Variants in SLC37A1 observed in about 807,000 individuals in gnomAD.
The protein encoded by SLC37A1 is glucose-6-phosphate exchanger SLC37A1.
SLC37A1 carries 49 observed loss-of-function variants against 75.3 expected under a neutral mutation model. That is an observed-to-expected ratio of 0.65 (90% CI 0.52 to 0.83). The LOEUF (loss-of-function observed/expected upper bound fraction) is 0.83, where lower values mean the gene tolerates loss of function less well. Among genes scored for constraint, SLC37A1 ranks in the 40% least tolerant of loss-of-function variants. SLC37A1 has a pLI of 0.00. For synonymous variants in SLC37A1, 268 were observed against 292.1 expected (o/e 0.92, Z 0.84); for missense variants, 566 against 695.0 (o/e 0.81, Z 2.09).
At chr21:42,557,505 A>G (rs1259736347) in intron 10 of SLC37A1, among the ~76,000 whole-genome samples, 1 of 152,276 alleles carries the variant, frequency 6.6e-6, no homozygotes, top group Non-Finnish European at 1.5e-5. Context: ...ATCTGCACTC[A>G]GCCTTGTCAT....
At position 42,538,840 on chromosome 21, in the gene SLC37A1, G is replaced by A. The variant is rs565611918; in HGVS notation, c.351-672G>A. 3.9e-5 allele frequency among the ~76,000 whole-genome samples: 6 copies of A among 152,366 alleles called. No individual in the cohort carries two copies. In the South Asian group the frequency reaches 1.2e-3, roughly 32 times the overall value. The stretch of plus-strand genomic sequence containing the variant: ...CCTTATGCCACCAGGTCCCCAGACA[G>A]CTCTAGAAGATAAGACACCAAAGAG... On this transcript the variant is annotated intron_variant, in intron 5 of 19. Transcript: ENST00000352133.
At chr21:42,572,815 T>C (rs1056927133) in intron 17 of SLC37A1, among the ~76,000 whole-genome samples, 1 of 152,078 alleles carries the variant, frequency 6.6e-6, no homozygotes, top group African/African-American at 2.4e-5. Context: ...CCAGGCTCCC[T>C]CCTGCCAGCT....
At chr21:42,518,895 A>T (rs2054578502) in intron 2 of SLC37A1, among the ~76,000 whole-genome samples, 1 of 152,252 alleles carries the variant, frequency 6.6e-6, no homozygotes, top group Non-Finnish European at 1.5e-5. Context: ...GCCGGGGCAG[A>T]ACTTTCAGAG....
chr21:42,506,825 G>GAT (rs1409157104), intron 2 of SLC37A1, among the ~76,000 whole-genome samples: 2 of 151,972 alleles, frequency 1.3e-5, no homozygotes, highest in Admixed American at 6.6e-5. Flanking sequence ...AATCATAACT[G>GAT]ATACTCAAAA....
Position 42,531,200 on chromosome 21 carries a change from G to A in SLC37A1, c.139-3498G>A, listed in dbSNP as rs144963954. On this transcript the variant is annotated intron_variant, in intron 3 of 19. Coordinates refer to ENST00000352133, the MANE Select transcript of SLC37A1 (RefSeq NM_001320537.2). ...ACCGCCTTCCCCGCACACTCGTCGC[G>A]CTGTGACTCCCGGCCCCGCCGCCTT... Among the ~76,000 whole-genome samples the A allele has an allele frequency of 2.1e-4, 32 of 152,174 alleles. No homozygotes were observed. The East Asian group carries it at 5.8e-3, about 28-fold the overall frequency.
intron 3 of SLC37A1, 93 bp downstream of exon 3, chr21:42,525,950 C>A: frequency 2.4e-6 from 2 of 842,574 alleles, no homozygotes; most frequent in Non-Finnish European, 3.9e-6. Context: ...GTAGCAGGTA[C>A]ATGGGGAAAC....
At chr21:42,511,750 G>A (rs1029144469), upstream of SLC37A1, among the ~76,000 whole-genome samples, 1 of 152,230 alleles carries the variant, frequency 6.6e-6, no homozygotes, top group Admixed American at 6.5e-5. Flanking sequence ...TTGCACTCAC[G>A]CCACTGCCCT....
chr21:42,526,447 A>T (rs1241484302), intron 3 of SLC37A1, among the ~76,000 whole-genome samples: 1 of 152,252 alleles, frequency 6.6e-6, no homozygotes, highest in Non-Finnish European at 1.5e-5. Flanking sequence ...GAGGCATTAG[A>T]GTCTCTATCG....
At chr21:42,566,580 C>A (rs111520148) in intron 15 of SLC37A1, among the ~76,000 whole-genome samples, 13,726 of 152,210 alleles carry the variant, frequency 0.09, 870 homozygotes, top group Non-Finnish European at 0.13. Context: ...TGTGACCCCC[C>A]CTCAGGCCAG....
Position 42,562,262 on chromosome 21 carries a change from A to G in SLC37A1, c.1072+94A>G. On this transcript the variant is annotated intron_variant, in intron 12 of 19. Transcript: ENST00000352133. ...TGGTTTCTAGAGTATTGAAAACACA[A>G]GGTCATGAAGGGTGATTTGAGAGGT... The G allele has an allele frequency of 2.8e-6, 3 of 1,082,438 alleles. No homozygotes were observed. The South Asian group carries it at 3.8e-5, about 14-fold the overall frequency. The allele number at this position is 1,082,438 out of a possible 1,614,324, so 67.1% of individuals were successfully genotyped here.
intron 10 of SLC37A1, among the ~76,000 whole-genome samples, chr21:42,554,983 T>TTGGTTG (rs2055650154): frequency 1.0e-5 from 1 of 99,972 alleles, no homozygotes; most frequent in African/African-American, 4.9e-5. Flanking sequence ...TGGTTGGTTG[T>TTGGTTG]TTTTTTTTTT....
chr21:42,577,683 A>C (rs1469038767), intron 18 of SLC37A1, among the ~76,000 whole-genome samples: 1 of 152,244 alleles, frequency 6.6e-6, no homozygotes, highest in East Asian at 1.9e-4. Context: ...ATACAGAGCA[A>C]CATGGATGAA....
At chr21:42,575,613 A>G in intron 18 of SLC37A1, 1 of 985,388 alleles carries the variant, frequency 1.0e-6, no homozygotes. Flanking sequence ...ACATCTTTAC[A>G]AGTCACCTGG....
intron 7 of SLC37A1, among the ~76,000 whole-genome samples, chr21:42,543,114 G>C (rs562066724): frequency 7.2e-5 from 11 of 152,350 alleles, no homozygotes; most frequent in African/African-American, 2.4e-4. Context: ...TCAAGTGACT[G>C]TATGTATTAA....
At chr21:42,499,624 C>T (rs1472706339), upstream of SLC37A1, 1 of 152,272 alleles carries the variant, frequency 6.6e-6, no homozygotes, top group African/African-American at 2.4e-5. Context: ...CTTCCCATAA[C>T]CCCCAAGTGG....
At chr21:42,530,315 G>A (rs373221233) in intron 3 of SLC37A1, among the ~76,000 whole-genome samples, 45 of 152,244 alleles carry the variant, frequency 3.0e-4, no homozygotes, top group Admixed American at 1.2e-3. Context: ...GAGCATTTGC[G>A]TGTCTGTCCC....
intron 8 of SLC37A1, among the ~76,000 whole-genome samples, chr21:42,544,990 G>A (rs745918168): frequency 1.5e-4 from 23 of 152,174 alleles, no homozygotes; most frequent in Non-Finnish European, 2.6e-4. Context: ...AAAAGGACAT[G>A]TGGAAGGGAA....
chr21:42,501,693 CAA>C (rs1325580202), intron 1 of SLC37A1, among the ~76,000 whole-genome samples: 1 of 152,182 alleles, frequency 6.6e-6, no homozygotes, highest in African/African-American at 2.4e-5. Context: ...GCCTGGGCGA[CAA>C]GAGACAAGAG....
At chr21:42,544,889 A>G (rs577543504) in intron 8 of SLC37A1, among the ~76,000 whole-genome samples, 4 of 152,260 alleles carry the variant, frequency 2.6e-5, no homozygotes, top group Admixed American at 2.0e-4. Flanking sequence ...TTGTTAGCGC[A>G]CAGGGGCCCC....
Sources: allele counts gnomAD v4.1 joint callset (sites outside exome capture counted in the v4.1 genomes callset), GRCh38; gene constraint gnomAD v4.1.1; transcripts MANE v1.5; gene names NCBI Gene and HGNC (gene_info 2026-07-23, HGNC 2026-07-21).